CEP164: variants seen among roughly 807,000 people sequenced by gnomAD.
CEP164 encodes centrosomal protein 164, also known as centrosomal protein of 164 kDa.
A neutral mutation model predicts 182.7 loss-of-function variants in CEP164; 162 were observed. That is an observed-to-expected ratio of 0.89 (90% CI 0.78 to 1.01). The LOEUF is 1.01. Ranked by LOEUF, CEP164 falls within the 50% of genes least tolerant of loss-of-function variation. The pLI, the probability that CEP164 is intolerant of heterozygous loss-of-function variation, is 0.00. For missense variants in CEP164, 1,735 were observed against 1,790.4 expected (o/e 0.97, Z 0.56); for synonymous variants, 661 against 690.0 (o/e 0.96, Z 0.66).
chr11:117,332,563 C>T (rs888811594), intron 1 of CEP164, among the ~76,000 whole-genome samples: 1 of 151,888 alleles, frequency 6.6e-6, no homozygotes, highest in Non-Finnish European at 1.5e-5. Context: ...GCAACAAGAG[C>T]GAAACTCCTC....
rs75574089 is a variant in CEP164 at position 117,336,998 on chromosome 11, A to T, written c.-22+1318A>T. ...AGGTAGGGGTGGGAAGAGAGGAGCA[A>T]TTCTAGAAGTGCACCAGCTTCTCAG... On this transcript the variant is annotated intron_variant, in intron 2 of 32. Transcript: ENST00000278935. Among the ~76,000 whole-genome samples the T allele has an allele frequency of 3.2e-3, 492 of 152,066 alleles. 7 individuals carry two copies. The highest frequency in any genetic ancestry group is 0.011 in the African/African-American group (476 of 41,468).
chr11:117,410,746 T>C, intron 30 of CEP164, 82 bp from the exon 31 acceptor site: 1 of 1,150,146 alleles, frequency 8.7e-7, no homozygotes, highest in Non-Finnish European at 1.3e-6. Context: ...CTTTTATTGT[T>C]TATTCTGGGG....
Position 117,411,822 on chromosome 11 carries a change from C to G in CEP164, c.4191C>G (p.Ser1397=). Residue 1397 remains serine, a synonymous_variant, in exon 32 of 33, where the codon TCC becomes TCG. Coordinates refer to ENST00000278935, the MANE Select transcript of CEP164 (RefSeq NM_014956.5). The surrounding 1 kb of genome is among the most constrained non-coding windows in gnomAD (Gnocchi z 4.4). ...ASEQLRLLQH[S]HSQVPEAGST... is the part of the protein sequence containing the mutation. ...AGCAGCTCCGGCTCCTACAGCACTC[C>G]CATTCGCAAGTCCCTGAGGCGGGCA... is the stretch of plus-strand genomic sequence containing the variant. The G allele has an allele frequency of 1.9e-6, 3 of 1,614,202 alleles. No homozygotes were observed. The highest frequency in any genetic ancestry group is 2.5e-6 in the Non-Finnish European group (3 of 1,180,040).
At chr11:117,336,824 T>C (rs2037213280) in intron 2 of CEP164, among the ~76,000 whole-genome samples, 1 of 151,974 alleles carries the variant, frequency 6.6e-6, no homozygotes, top group African/African-American at 2.4e-5. Context: ...AGACTCCTGT[T>C]GGTCACATTT....
Position 117,382,556 on chromosome 11 carries a change from G to A in CEP164, c.1578-240G>A, listed in dbSNP as rs113430039. 8.0e-3 allele frequency among the ~76,000 whole-genome samples: 1,214 copies of A among 152,248 alleles called. 17 individuals are homozygous for A. The highest frequency in any genetic ancestry group is 0.028 in the African/African-American group (1,166 of 41,548). On this transcript the variant is annotated intron_variant, in intron 13 of 32. Coordinates refer to ENST00000278935, the MANE Select transcript of CEP164 (RefSeq NM_014956.5). ...CATCCACTGAACACCTGCTGTGTAC[G>A]GAGCTCCTGGGGTACCATAACCATC... is the stretch of plus-strand genomic sequence containing the variant.
intron 8 of CEP164, among the ~76,000 whole-genome samples, chr11:117,367,148 T>G (rs1454923037): frequency 1.3e-5 from 2 of 152,186 alleles, no homozygotes; most frequent in African/African-American, 2.4e-5. Context: ...GGTTGGAGCT[T>G]CAGGCCTTGG....
chr11:117,360,340 T>A (rs1027304610), intron 5 of CEP164, among the ~76,000 whole-genome samples: 15 of 152,174 alleles, frequency 9.9e-5, no homozygotes, highest in African/African-American at 3.4e-4. Context: ...GCAAATTTTT[T>A]TAATTTTTTT....
intron 5 of CEP164, among the ~76,000 whole-genome samples, chr11:117,360,979 G>A (rs1243741133): frequency 6.9e-6 from 1 of 145,366 alleles, no homozygotes; most frequent in Non-Finnish European, 1.5e-5. Flanking sequence ...CTGTCGCTCA[G>A]GCTGGAGTGC....
chr11:117,366,487 G>C (rs977136075), intron 8 of CEP164, among the ~76,000 whole-genome samples: 3 of 152,234 alleles, frequency 2.0e-5, no homozygotes, highest in Non-Finnish European at 2.9e-5. Context: ...TCATGGAACC[G>C]ACACTGAACA....
upstream of CEP164, among the ~76,000 whole-genome samples, chr11:117,327,146 A>G (rs1591904887): frequency 6.6e-6 from 1 of 152,212 alleles, no homozygotes. Flanking sequence ...GCTTTGGTGA[A>G]AAGATGGATA....
upstream of CEP164, among the ~76,000 whole-genome samples, chr11:117,323,142 C>T (rs924329137): frequency 2.0e-5 from 3 of 152,032 alleles, no homozygotes; most frequent in Non-Finnish European, 4.4e-5. Context: ...CTCAAGTGAT[C>T]CACTCACCTC....
chr11:117,359,204 A>G (rs1776003449), intron 5 of CEP164, among the ~76,000 whole-genome samples: 2 of 152,040 alleles, frequency 1.3e-5, no homozygotes, highest in Non-Finnish European at 2.9e-5. Context: ...TCAGCCTCTC[A>G]AAGTGCTGGG....
At position 117,407,806 on chromosome 11, in the gene CEP164, C is replaced by T; in HGVS notation, c.3502-119C>T. 7 of 640,414 alleles carry T rather than the reference C, an allele frequency of 1.1e-5. No homozygotes were observed. In the South Asian group the frequency reaches 1.3e-4, roughly 12 times the overall value. 39.7% of individuals were successfully genotyped at this position (640,414 alleles called of 1,614,324 possible). ...TGTGAAAAGTCATAGTTCTCTGTTC[C>T]AGATGAGAAAGCAGACTATAGTAAT... is the stretch of plus-strand genomic sequence containing the variant. On this transcript the variant is annotated intron_variant, in intron 27 of 32. Coordinates refer to ENST00000278935, the MANE Select transcript of CEP164 (RefSeq NM_014956.5).
intron 5 of CEP164, chr11:117,355,387 G>C (rs908552104): frequency 2.7e-5 from 35 of 1,289,688 alleles, no homozygotes; most frequent in Non-Finnish European, 3.2e-5. Flanking sequence ...AAAATATGCA[G>C]GATGTGGTAG....
intron 15 of CEP164, among the ~76,000 whole-genome samples, chr11:117,388,591 G>A (rs2044217959): frequency 6.6e-6 from 1 of 152,132 alleles, no homozygotes; most frequent in Non-Finnish European, 1.5e-5. Flanking sequence ...GAATGAGAAG[G>A]CAGGCAGGCT....
chr11:117,327,381 T>C (rs2035514124), upstream of CEP164, among the ~76,000 whole-genome samples: 1 of 152,052 alleles, frequency 6.6e-6, no homozygotes, highest in East Asian at 1.9e-4. Context: ...GATAATTAGA[T>C]AATTCACATT....
intron 5 of CEP164, among the ~76,000 whole-genome samples, chr11:117,357,383 A>G (rs2040422314): frequency 6.8e-6 from 1 of 146,120 alleles, no homozygotes; most frequent in South Asian, 2.2e-4. Flanking sequence ...TGCTGGGATT[A>G]TAGACATGAG....
intron 19 of CEP164, 129 bp downstream of exon 19, chr11:117,392,756 T>G: frequency 1.5e-6 from 2 of 1,363,958 alleles, no homozygotes; most frequent in Non-Finnish European, 2.0e-6. Flanking sequence ...GCATTTCTAG[T>G]TCCCTTTTTA....
At chr11:117,332,814 A>G (rs934166270) in intron 1 of CEP164, among the ~76,000 whole-genome samples, 1 of 152,208 alleles carries the variant, frequency 6.6e-6, no homozygotes, top group African/African-American at 2.4e-5. Flanking sequence ...AGAAGGTCTC[A>G]GGCTAGGCAG....
Sources: gnomAD v4.1 joint callset for allele counts (sites outside exome capture counted in the v4.1 genomes callset) on GRCh38, gnomAD v4.1.1 for gene constraint, Gnocchi (gnomAD v3.1) non-coding constraint, MANE v1.5 for transcripts, NCBI Gene and HGNC (gene_info 2026-07-23, HGNC 2026-07-21) for gene names.